LCMT1: variants seen among roughly 807,000 people sequenced by gnomAD.
The protein encoded by LCMT1 is leucine carboxyl methyltransferase 1.
In LCMT1, 32 loss-of-function variants were observed where a neutral mutation model predicts 47.7. That is an observed-to-expected ratio of 0.67 (90% CI 0.51 to 0.90). The LOEUF (loss-of-function observed/expected upper bound fraction) is 0.90. Ranked by LOEUF, LCMT1 falls within the 40% of genes least tolerant of loss-of-function variation. The pLI is 0.00. For synonymous variants in LCMT1, 152 were observed against 149.7 expected (o/e 1.02, Z -0.11); for missense variants, 375 against 415.2 (o/e 0.90, Z 0.84).
At chr16:25,174,861 A>G (rs748803566) in intron 9 of LCMT1, 76 bp from the exon 10 acceptor site, 5 of 644,168 alleles carry the variant, frequency 7.8e-6, no homozygotes, top group Non-Finnish European at 1.3e-5. Context: ...ACATTTTTTC[A>G]TATCCGTAGC....
At chr16:25,124,748 C>G (rs1960110553) in intron 1 of LCMT1, among the ~76,000 whole-genome samples, 2 of 152,164 alleles carry the variant, frequency 1.3e-5, no homozygotes, top group Non-Finnish European at 2.9e-5. Flanking sequence ...AGACAGGTCT[C>G]AGTCAGTAAA....
intron 6 of LCMT1, among the ~76,000 whole-genome samples, 186 bp from the exon 7 acceptor site, chr16:25,164,412 C>G (rs1198508178): frequency 6.6e-6 from 1 of 152,194 alleles, no homozygotes; most frequent in Non-Finnish European, 1.5e-5. Flanking sequence ...CACCTTTTCA[C>G]AGTAGAAAGC....
chr16:25,132,330 G>A (rs1214540293), intron 2 of LCMT1, 72 bp from the exon 3 acceptor site: 8 of 1,575,456 alleles, frequency 5.1e-6, no homozygotes, highest in Non-Finnish European at 6.1e-6. Flanking sequence ...CTTCTCCTGG[G>A]GTGGGCTTCA....
intron 3 of LCMT1, among the ~76,000 whole-genome samples, chr16:25,138,884 T>C (rs919449440): frequency 7.2e-5 from 11 of 152,190 alleles, no homozygotes; most frequent in Non-Finnish European, 1.6e-4. Context: ...TATTGCCTCA[T>C]TAATCTTCAC....
chr16:25,169,691 G>A (rs1032067251), intron 8 of LCMT1: 1 of 155,316 alleles, frequency 6.4e-6, no homozygotes, highest in African/African-American at 2.4e-5. Context: ...GATCATACAA[G>A]TTGACAACTC....
chr16:25,165,310 TC>T (rs1961554386), intron 7 of LCMT1, among the ~76,000 whole-genome samples: 1 of 152,196 alleles, frequency 6.6e-6, no homozygotes, highest in Admixed American at 6.5e-5. Context: ...GTTTACTTCT[TC>T]TGATTTATTG....
intron 1 of LCMT1, among the ~76,000 whole-genome samples, chr16:25,121,705 C>T (rs1031625916): frequency 1.3e-5 from 2 of 152,170 alleles, no homozygotes; most frequent in African/African-American, 2.4e-5. Context: ...GGGGAAATGC[C>T]AGTCGCTTGT....
chr16:25,166,599 C>A (rs56971935), intron 7 of LCMT1, among the ~76,000 whole-genome samples: 1 of 152,064 alleles, frequency 6.6e-6, no homozygotes, highest in African/African-American at 2.4e-5. Context: ...GACAGGGTTT[C>A]GCCATGTTGC....
chr16:25,170,991 G>T (rs1961749342), intron 9 of LCMT1, among the ~76,000 whole-genome samples, 186 bp downstream of exon 9: 1 of 152,182 alleles, frequency 6.6e-6, no homozygotes, highest in African/African-American at 2.4e-5. Context: ...AGCACTTTGG[G>T]AGGCATAGGC....
intron 8 of LCMT1, among the ~76,000 whole-genome samples, chr16:25,170,045 C>A (rs2141713505): frequency 6.6e-6 from 1 of 152,074 alleles, no homozygotes; most frequent in East Asian, 1.9e-4. Flanking sequence ...CATGGTGAAA[C>A]CCCATCTCTA....
In LCMT1 at chr16:25,132,272, C is replaced by T. The variant is rs542256227; in HGVS notation, c.206-130C>T. 64 of 1,126,428 alleles carry T rather than the reference C, an allele frequency of 5.7e-5. 1 individual carries two copies. In the South Asian group the frequency reaches 9.5e-4, roughly 17 times the overall value. The allele number at this position is 1,126,428 out of a possible 1,614,324, so 69.8% of individuals were successfully genotyped here. ...GTTGCTGTTTCTCCCATAGAGTCTG[C>T]AGATTAACCTCTGACACTGCAGAAG... On this transcript the variant is annotated intron_variant, in intron 2 of 10. Coordinates refer to ENST00000399069, the MANE Select transcript of LCMT1 (RefSeq NM_016309.3).
At chr16:25,156,083 C>T (rs147951132) in intron 5 of LCMT1, among the ~76,000 whole-genome samples, 39 of 152,208 alleles carry the variant, frequency 2.6e-4, no homozygotes, top group African/African-American at 8.2e-4. Context: ...TTTTCATTTC[C>T]TCTCTCCTCT....
intron 7 of LCMT1, among the ~76,000 whole-genome samples, chr16:25,166,416 G>C (rs1961594274): frequency 1.3e-5 from 2 of 151,886 alleles, no homozygotes; most frequent in Non-Finnish European, 2.9e-5. Flanking sequence ...TTATTTGTTT[G>C]TTTGAGATAG....
At chr16:25,160,990 T>TC in intron 5 of LCMT1, 112 bp from the exon 6 acceptor site, 1 of 663,064 alleles carries the variant, frequency 1.5e-6, no homozygotes, top group Non-Finnish European at 2.6e-6. Flanking sequence ...TTACGTATTT[T>TC]TTTTTTTTAA....
At chr16:25,136,129 G>A (rs1053093476) in intron 3 of LCMT1, among the ~76,000 whole-genome samples, 1 of 151,176 alleles carries the variant, frequency 6.6e-6, no homozygotes, top group South Asian at 2.1e-4. Context: ...AATAATGGGT[G>A]AGTGAAACCC....
intron 1 of LCMT1, among the ~76,000 whole-genome samples, chr16:25,113,012 G>T (rs1179973035): frequency 6.6e-6 from 1 of 151,900 alleles, no homozygotes. Flanking sequence ...GTGGTGGCGG[G>T]CGCCTGTAAT....
intron 4 of LCMT1, among the ~76,000 whole-genome samples, chr16:25,151,086 G>A (rs1473432642): frequency 6.6e-6 from 1 of 152,142 alleles, no homozygotes; most frequent in African/African-American, 2.4e-5. Flanking sequence ...CTGGATTGGG[G>A]TAGTTCCCAC....
chr16:25,153,230 C>T (rs765488894), intron 5 of LCMT1, among the ~76,000 whole-genome samples: 2 of 152,248 alleles, frequency 1.3e-5, no homozygotes, highest in South Asian at 4.1e-4. Context: ...CCCTTCTTCT[C>T]AGCTTCTCAG....
At chr16:25,171,482 A>T (rs1961770415) in intron 9 of LCMT1, among the ~76,000 whole-genome samples, 1 of 152,194 alleles carries the variant, frequency 6.6e-6, no homozygotes. Flanking sequence ...CTATTTTGAA[A>T]CAAGTTAAAC....
Sources: gnomAD v4.1 joint callset for allele counts (sites outside exome capture counted in the v4.1 genomes callset) on GRCh38, gnomAD v4.1.1 for gene constraint, MANE v1.5 for transcripts, NCBI Gene and HGNC (gene_info 2026-07-23, HGNC 2026-07-21) for gene names.